The following SEMA3E variants were observed in gnomAD, a reference collection of about 807,000 sequenced individuals.
The protein encoded by SEMA3E is semaphorin 3E, also known as semaphorin-3E.
In SEMA3E, 49 loss-of-function variants were observed where a neutral mutation model predicts 93.6. The observed-to-expected ratio is 0.52, with a 90% CI of 0.42 to 0.66. SEMA3E has a LOEUF of 0.66. Among genes scored for constraint, SEMA3E ranks in the 30% least tolerant of loss-of-function variants. The pLI is 0.00. For missense variants in SEMA3E, 906 were observed against 964.8 expected (o/e 0.94, Z 0.81); for synonymous variants, 363 against 330.7 (o/e 1.10, Z -1.06).
chr7:83,413,099 T>A (rs1042117865), intron 5 of SEMA3E, among the ~76,000 whole-genome samples: 4 of 152,206 alleles, frequency 2.6e-5, no homozygotes, highest in Admixed American at 2.6e-4. Flanking sequence ...CTAAAATGTG[T>A]AACTAAAATA....
At chr7:83,456,364 T>C (rs566987686) in intron 4 of SEMA3E, among the ~76,000 whole-genome samples, 30 of 152,242 alleles carry the variant, frequency 2.0e-4, no homozygotes, top group Admixed American at 3.9e-4. Context: ...GTTTAAAAAG[T>C]GCTCTGAGAC....
At chr7:83,596,780 C>G (rs542971836) in intron 1 of SEMA3E, among the ~76,000 whole-genome samples, 43 of 152,200 alleles carry the variant, frequency 2.8e-4, no homozygotes, top group African/African-American at 9.9e-4. Context: ...CTCATGATGG[C>G]ATCTTAGACC....
At chr7:83,468,980 G>A (rs1789834486) in intron 3 of SEMA3E, among the ~76,000 whole-genome samples, 1 of 152,018 alleles carries the variant, frequency 6.6e-6, no homozygotes, top group East Asian at 1.9e-4. Flanking sequence ...ATAAGCATTA[G>A]TATAAGGAAT....
intron 16 of SEMA3E, among the ~76,000 whole-genome samples, chr7:83,382,010 C>A (rs76067630): frequency 0.022 from 3,366 of 152,038 alleles, 114 homozygotes; most frequent in African/African-American, 0.076. Flanking sequence ...CTCCACTCAA[C>A]TCTGACAAAG....
At chr7:83,577,299 A>G (rs1250120041) in intron 1 of SEMA3E, among the ~76,000 whole-genome samples, 1 of 152,198 alleles carries the variant, frequency 6.6e-6, no homozygotes, top group Non-Finnish European at 1.5e-5. Context: ...ACAGTTTTGA[A>G]AAGCGTATGT....
At chr7:83,395,790 T>G (rs1788107678) in intron 12 of SEMA3E, among the ~76,000 whole-genome samples, 1 of 152,144 alleles carries the variant, frequency 6.6e-6, no homozygotes, top group Non-Finnish European at 1.5e-5. Flanking sequence ...TAAGCTTCAT[T>G]CAGGCATGGA....
At chr7:83,543,856 C>T (rs899627445) in intron 1 of SEMA3E, among the ~76,000 whole-genome samples, 1 of 152,014 alleles carries the variant, frequency 6.6e-6, no homozygotes, top group African/African-American at 2.4e-5. Context: ...CAAGCTAAAA[C>T]CTCAATATCA....
At chr7:83,560,753 A>G (rs1286277091) in intron 1 of SEMA3E, among the ~76,000 whole-genome samples, 2 of 151,864 alleles carry the variant, frequency 1.3e-5, no homozygotes, top group Admixed American at 1.3e-4. Flanking sequence ...TTTTTAATAA[A>G]CTGTGTGATC....
At chr7:83,419,009 A>C (rs1010751729) in intron 4 of SEMA3E, among the ~76,000 whole-genome samples, 6 of 152,106 alleles carry the variant, frequency 3.9e-5, no homozygotes, top group African/African-American at 7.2e-5. Context: ...TAGTGAGCAT[A>C]GTGTCCAACA....
Position 83,466,432 on chromosome 7 carries a change from G to C in SEMA3E, c.456+50C>G, listed in dbSNP as rs753373581. ...TGCTGTAGTCTTTCTTTGAGAACAA[G>C]GTTGTTTTAAGCATTGTTTTTATTG... On this transcript the variant is annotated intron_variant, in intron 4 of 16. Transcript: ENST00000643230. 2.5e-6 allele frequency: 4 copies of C among 1,601,970 alleles called. No individual in the cohort carries two copies. In the South Asian group the frequency reaches 3.3e-5, roughly 13 times the overall value.
intron 7 of SEMA3E, 84 bp from the exon 8 acceptor site, chr7:83,406,143 C>A: frequency 1.0e-6 from 1 of 991,892 alleles, no homozygotes; most frequent in Non-Finnish European, 1.6e-6. Context: ...ATGCAGTTGC[C>A]AAGAGTTATG....
chr7:83,419,478 T>A (rs1309440488), intron 4 of SEMA3E, among the ~76,000 whole-genome samples: 1 of 152,168 alleles, frequency 6.6e-6, no homozygotes, highest in Non-Finnish European at 1.5e-5. Flanking sequence ...AAATGGTAAT[T>A]CTGTTTTAAG....
chr7:83,422,702 C>T (rs1788689238), intron 4 of SEMA3E, among the ~76,000 whole-genome samples: 1 of 152,130 alleles, frequency 6.6e-6, no homozygotes. Flanking sequence ...TGTCTAATGA[C>T]TGATGAGGTT....
chr7:83,458,664 A>G (rs1227745085), intron 4 of SEMA3E, among the ~76,000 whole-genome samples: 1 of 151,872 alleles, frequency 6.6e-6, no homozygotes, highest in East Asian at 1.9e-4. Context: ...TATGCTGTGT[A>G]TGGTACATCC....
intron 1 of SEMA3E, among the ~76,000 whole-genome samples, chr7:83,630,207 T>A (rs1020091746): frequency 6.6e-6 from 1 of 152,216 alleles, no homozygotes; most frequent in African/African-American, 2.4e-5. Context: ...CACTGGGAGC[T>A]GCAGATGGGA....
intron 1 of SEMA3E, among the ~76,000 whole-genome samples, chr7:83,561,881 TA>T (rs1227121631): frequency 6.6e-6 from 1 of 152,130 alleles, no homozygotes; most frequent in Non-Finnish European, 1.5e-5. Context: ...GTATACTACA[TA>T]ATATCTAAAG....
At chr7:83,454,017 G>C (rs891542313) in intron 4 of SEMA3E, among the ~76,000 whole-genome samples, 9 of 151,588 alleles carry the variant, frequency 5.9e-5, no homozygotes, top group Middle Eastern at 3.2e-3. Context: ...CCAGCACTTT[G>C]GGAGGCCGAG....
chr7:83,439,890 G>T (rs936981452), intron 4 of SEMA3E, among the ~76,000 whole-genome samples: 1 of 152,122 alleles, frequency 6.6e-6, no homozygotes, highest in African/African-American at 2.4e-5. Context: ...CTCAGACATA[G>T]GTAACCAGCA....
chr7:83,450,532 A>G (rs1789337626), intron 4 of SEMA3E, among the ~76,000 whole-genome samples: 1 of 152,180 alleles, frequency 6.6e-6, no homozygotes, highest in African/African-American at 2.4e-5. Context: ...ATTCCATTAC[A>G]TAAAATTCTA....
Sources: allele counts gnomAD v4.1 joint callset (sites outside exome capture counted in the v4.1 genomes callset), GRCh38; gene constraint gnomAD v4.1.1; transcripts MANE v1.5; gene names NCBI Gene and HGNC (gene_info 2026-07-23, HGNC 2026-07-21).